ARFGEF2: variants seen among roughly 807,000 people sequenced by gnomAD.
ARFGEF2 encodes ARF guanine nucleotide exchange factor 2.
ARFGEF2 carries 74 observed loss-of-function variants against 219.9 expected under a neutral mutation model. The ratio of observed to expected loss-of-function variants is 0.34; its 90% CI spans 0.28 to 0.41. The LOEUF (loss-of-function observed/expected upper bound fraction) is 0.41, where lower values mean the gene tolerates loss of function less well. ARFGEF2 is among the 10% of genes least tolerant of loss of function. The pLI, the probability that ARFGEF2 is intolerant of heterozygous loss-of-function variation, is 1.00. For synonymous variants in ARFGEF2, 733 were observed against 799.2 expected, an observed-to-expected ratio of 0.92 and a Z score of 1.40; for missense variants, 1,743 against 2,218.3, an observed-to-expected ratio of 0.79 and a Z score of 4.30.
chr20:48,975,980 G>A lies in ARFGEF2; in HGVS notation c.1775-36G>A, dbSNP rs1437395909. ...GCTCGGCTGTGTCTGTGTCCCACTT[G>A]CTTATTTGGCTTCCTTTACTTTTGT... is the stretch of plus-strand genomic sequence containing the variant. On this transcript the variant is annotated intron_variant, in intron 13 of 38. Coordinates refer to ENST00000371917, the MANE Select transcript of ARFGEF2 (RefSeq NM_006420.3). 1.9e-6 allele frequency: 3 copies of A among 1,611,010 alleles called. No homozygotes were observed. The South Asian group carries it at 3.3e-5, about 18-fold the overall frequency.
intron 18 of ARFGEF2, among the ~76,000 whole-genome samples, 154 bp from the exon 19 acceptor site, chr20:48,989,131 A>G (rs1023670274): frequency 6.6e-6 from 1 of 152,078 alleles, no homozygotes; most frequent in South Asian, 2.1e-4. Flanking sequence ...CATTTTTCCC[A>G]TCTGTAAAAT....
chr20:48,923,018 G>T (rs1464006969), intron 1 of ARFGEF2, among the ~76,000 whole-genome samples: 1 of 152,180 alleles, frequency 6.6e-6, no homozygotes, highest in African/African-American at 2.4e-5. Context: ...TGCTTTCCAT[G>T]GTCAGGAAAG....
intron 37 of ARFGEF2, among the ~76,000 whole-genome samples, chr20:49,029,902 AT>A (rs3092436): frequency 0.062 from 6,021 of 97,760 alleles, 183 homozygotes; most frequent in African/African-American, 0.17. Flanking sequence ...CTAAAAGTGA[AT>A]TTTTTTTTTT....
In ARFGEF2 at chr20:48,976,008, C is replaced by T; in HGVS notation, c.1775-8C>T. 6.2e-7 allele frequency: 1 copy of T among 1,612,010 alleles called. No homozygotes were observed. The highest frequency in any genetic ancestry group is 8.5e-7 in the Non-Finnish European group (1 of 1,179,968). ...TATTTGGCTTCCTTTACTTTTGTTT[C>T]TCCGCAGGTCAGGAGAGGCTCACGG... On this transcript the variant is annotated splice_polypyrimidine_tract_variant and splice_region_variant and intron_variant, in intron 13 of 38. Coordinates refer to ENST00000371917, the MANE Select transcript of ARFGEF2 (RefSeq NM_006420.3).
At position 49,017,403 on chromosome 20, in the gene ARFGEF2, G is replaced by A. The variant is rs763445092; in HGVS notation, c.4454+16G>A. 3 of 1,613,830 alleles carry A rather than the reference G, an allele frequency of 1.9e-6. No individual in the cohort carries two copies. The highest frequency in any genetic ancestry group is 2.7e-5 in the African/African-American group (2 of 74,938). ...TCCCACATGTGTAAGTGTTCATGCA[G>A]TTGTTCCCGTTTATCTCTGTGTTCA... On this transcript the variant is annotated intron_variant, in intron 32 of 38. Coordinates refer to ENST00000371917, the MANE Select transcript of ARFGEF2 (RefSeq NM_006420.3).
chr20:48,970,080 C>T (rs1434249730), intron 9 of ARFGEF2, among the ~76,000 whole-genome samples: 1 of 152,068 alleles, frequency 6.6e-6, no homozygotes, highest in African/African-American at 2.4e-5. Flanking sequence ...TCTGGGAGGC[C>T]AAGGCGGGTG....
intron 35 of ARFGEF2, among the ~76,000 whole-genome samples, chr20:49,023,962 C>T (rs1053852529): frequency 6.6e-6 from 1 of 151,726 alleles, no homozygotes; most frequent in Non-Finnish European, 1.5e-5. Flanking sequence ...GGATTCTTTT[C>T]CTTTTTTTCT....
At position 49,011,430 on chromosome 20, in the gene ARFGEF2, T is replaced by A. The variant is rs923165357; in HGVS notation, c.3758-494T>A. Among the ~76,000 whole-genome samples the A allele has an allele frequency of 4.6e-5, 7 of 152,262 alleles. No homozygotes were observed. In the South Asian group the frequency reaches 8.3e-4, roughly 18 times the overall value. Reference sequence around the variant, plus strand: ...TCCCCCATGTTACTAAAGAGGAAATTGAGGCACAGAAAAATAAATACAACA... The same window carrying A: ...TCCCCCATGTTACTAAAGAGGAAATAGAGGCACAGAAAAATAAATACAACA... On this transcript the variant is annotated intron_variant, in intron 27 of 38. Transcript: ENST00000371917.
chr20:49,000,929 A>G (rs1221775366), intron 25 of ARFGEF2, among the ~76,000 whole-genome samples: 1 of 152,182 alleles, frequency 6.6e-6, no homozygotes, highest in Admixed American at 6.5e-5. Flanking sequence ...GACCACTTAC[A>G]GGCAAGGTTG....
intron 14 of ARFGEF2, among the ~76,000 whole-genome samples, chr20:48,983,000 C>T (rs1266030179): frequency 1.3e-5 from 2 of 152,184 alleles, no homozygotes; most frequent in African/African-American, 4.8e-5. Flanking sequence ...ACGTGGGCTG[C>T]ACCCACTGTC....
At chr20:48,986,271 G>A (rs2123454785) in intron 16 of ARFGEF2, among the ~76,000 whole-genome samples, 1 of 152,290 alleles carries the variant, frequency 6.6e-6, no homozygotes, top group South Asian at 2.1e-4. Context: ...TGAGCAACCT[G>A]TCCAAAATTA....
intron 34 of ARFGEF2, among the ~76,000 whole-genome samples, chr20:49,020,730 G>C (rs2091560408): frequency 6.6e-6 from 1 of 152,194 alleles, no homozygotes; most frequent in African/African-American, 2.4e-5. Flanking sequence ...ACATGCGTGA[G>C]CCACCATGCC....
chr20:48,936,973 A>G (rs1394237649), intron 1 of ARFGEF2, among the ~76,000 whole-genome samples: 1 of 152,132 alleles, frequency 6.6e-6, no homozygotes, highest in Non-Finnish European at 1.5e-5. Context: ...TAATGGAAAA[A>G]AAAAAGATTG....
rs763505285 is a variant in ARFGEF2 at position 49,017,219 on chromosome 20, T to A, written c.4316-30T>A. 4.3e-6 allele frequency: 7 copies of A among 1,612,268 alleles called. No individual in the cohort carries two copies. In the South Asian group the frequency reaches 6.6e-5, roughly 15 times the overall value. ...GTTGGCATCAAAATAGCAGTAGAAG[T>A]TTAATGATAGATACTGCTTTATTTT... On this transcript the variant is annotated intron_variant, in intron 31 of 38. Transcript: ENST00000371917.
chr20:49,023,293 C>G (rs1348765337), intron 35 of ARFGEF2, 112 bp downstream of exon 35: 2 of 1,402,302 alleles, frequency 1.4e-6, no homozygotes, highest in Admixed American at 1.9e-5. Flanking sequence ...TCATGCTCAT[C>G]TCTTTCCAAC....
intron 1 of ARFGEF2, among the ~76,000 whole-genome samples, chr20:48,928,785 C>T (rs1268015738): frequency 2.0e-5 from 3 of 152,254 alleles, no homozygotes; most frequent in East Asian, 1.9e-4. Flanking sequence ...TGAGCCACTG[C>T]GCCCAGCCGG....
intron 38 of ARFGEF2, among the ~76,000 whole-genome samples, chr20:49,032,741 GCCAC>G (rs2091644003): frequency 1.3e-5 from 2 of 151,696 alleles, no homozygotes; most frequent in Non-Finnish European, 1.5e-5. Flanking sequence ...ACAGACACGC[GCCAC>G]TATGCCCAGC....
chr20:48,935,943 G>GT (rs1342898191), intron 1 of ARFGEF2, among the ~76,000 whole-genome samples: 1 of 131,366 alleles, frequency 7.6e-6, no homozygotes, highest in African/African-American at 3.1e-5. Context: ...TGGCCGGGGG[G>GT]GGGGGCTGAC....
At chr20:49,011,242 G>C (rs1026099116) in intron 27 of ARFGEF2, among the ~76,000 whole-genome samples, 2 of 152,128 alleles carry the variant, frequency 1.3e-5, no homozygotes, top group African/African-American at 4.8e-5. Flanking sequence ...GTTATGTCTT[G>C]ATCAGCTGAT....
Sources: allele counts gnomAD v4.1 joint callset (sites outside exome capture counted in the v4.1 genomes callset), GRCh38; gene constraint gnomAD v4.1.1; transcripts MANE v1.5; gene names NCBI Gene and HGNC (gene_info 2026-07-23, HGNC 2026-07-21).